The following ERC2 variants were observed in gnomAD, a reference collection of about 807,000 sequenced individuals.
ERC2 encodes the protein ELKS/RAB6-interacting/CAST family member 2.
In ERC2, 42 loss-of-function variants were observed where a neutral mutation model predicts 114.8. That is an observed-to-expected ratio of 0.37 (90% confidence interval 0.29 to 0.47). The LOEUF (loss-of-function observed/expected upper bound fraction) is 0.47. ERC2 is among the 20% of genes least tolerant of loss of function. The pLI is 0.99. For missense variants in ERC2, 939 were observed against 1,150.7 expected (o/e 0.82, Z 2.66); for synonymous variants, 454 against 425.5 (o/e 1.07, Z -0.82).
In ERC2 at chr3:56,148,786, A is replaced by C. The variant is rs1222823260; in HGVS notation, c.1305+191T>G. On this transcript the variant is annotated intron_variant, in intron 5 of 17. Transcript: ENST00000288221. ...CCTCTCAGTAAGGAAAATTCCATCA[A>C]AGGTTTTCCCTGATTGTTTTTTGGA... Among the ~76,000 whole-genome samples, 4 of 152,324 alleles carry C rather than the reference A, an allele frequency of 2.6e-5. No individual in the cohort carries two copies. In the East Asian group the frequency reaches 7.7e-4, roughly 29 times the overall value.
At chr3:55,930,981 G>T (rs2066045148) in intron 13 of ERC2, among the ~76,000 whole-genome samples, 1 of 152,156 alleles carries the variant, frequency 6.6e-6, no homozygotes, top group African/African-American at 2.4e-5. Flanking sequence ...CATTTATGCG[G>T]CCAACAAGAA....
intron 11 of ERC2, among the ~76,000 whole-genome samples, chr3:55,987,717 AAAT>A (rs2070741765): frequency 6.6e-6 from 1 of 152,218 alleles, no homozygotes; most frequent in Non-Finnish European, 1.5e-5. Flanking sequence ...TCAGAAGAAA[AAAT>A]AACATTCTCT....
intron 13 of ERC2, among the ~76,000 whole-genome samples, chr3:55,902,403 A>G (rs2064184427): frequency 6.6e-6 from 1 of 152,122 alleles, no homozygotes; most frequent in African/African-American, 2.4e-5. Context: ...CGACATGGAA[A>G]AAGTTCTTAA....
chr3:55,550,860 CA>C (rs1386217654), intron 17 of ERC2, among the ~76,000 whole-genome samples: 1 of 151,636 alleles, frequency 6.6e-6, no homozygotes, highest in Admixed American at 6.6e-5. Flanking sequence ...ACTAAAAATA[CA>C]AAAAATTAGC....
At chr3:56,400,417 A>G (rs73075891) in intron 2 of ERC2, among the ~76,000 whole-genome samples, 1 of 152,184 alleles carries the variant, frequency 6.6e-6, no homozygotes. Context: ...AAATTAAACT[A>G]AAATCTGAGC....
At chr3:56,241,860 C>T (rs1008424642) in intron 3 of ERC2, among the ~76,000 whole-genome samples, 1 of 152,172 alleles carries the variant, frequency 6.6e-6, no homozygotes, top group Non-Finnish European at 1.5e-5. Context: ...GGGTTAAATG[C>T]CAGCTGCCAG....
chr3:56,127,563 A>G (rs114772739), intron 6 of ERC2, among the ~76,000 whole-genome samples: 1,542 of 152,202 alleles, frequency 0.01, 32 homozygotes, highest in African/African-American at 0.035. Context: ...CCCTGTCCCT[A>G]CTAAAAATAA....
At chr3:55,974,146 G>GA (rs1458288548) in intron 12 of ERC2, among the ~76,000 whole-genome samples, 2 of 151,976 alleles carry the variant, frequency 1.3e-5, no homozygotes, top group Non-Finnish European at 2.9e-5. Context: ...AAAGTTTAAG[G>GA]AAAAAAATAA....
At chr3:56,323,810 T>C (rs1352492993) in intron 2 of ERC2, among the ~76,000 whole-genome samples, 2 of 152,158 alleles carry the variant, frequency 1.3e-5, no homozygotes, top group Non-Finnish European at 2.9e-5. Context: ...AAAACCACTG[T>C]GGAAAAAACA....
In ERC2 at chr3:56,218,193, T is replaced by A. The variant is rs965021606; in HGVS notation, c.1075-44673A>T. 2.0e-5 allele frequency among the ~76,000 whole-genome samples: 3 copies of A among 151,764 alleles called. No homozygotes were observed. The East Asian group carries it at 5.8e-4, about 29-fold the overall frequency. ...ACAGCAAAAGAAACTACCATCAGAG[T>A]GAACAGGCAACCTACAGAATGGGAG... On this transcript the variant is annotated intron_variant, in intron 3 of 17. Coordinates refer to ENST00000288221, the MANE Select transcript of ERC2 (RefSeq NM_015576.3).
At chr3:56,425,922 G>C (rs1279285207) in intron 2 of ERC2, among the ~76,000 whole-genome samples, 1 of 152,164 alleles carries the variant, frequency 6.6e-6, no homozygotes, top group African/African-American at 2.4e-5. Flanking sequence ...ATTTCTCAGA[G>C]ATGGCAGCTC....
intron 12 of ERC2, among the ~76,000 whole-genome samples, chr3:55,957,386 G>C (rs1239197393): frequency 3.9e-5 from 6 of 152,186 alleles, no homozygotes; most frequent in African/African-American, 1.4e-4. Context: ...TATCTCATTA[G>C]GGGATGGGGA....
chr3:56,311,255 C>A (rs374032866), intron 2 of ERC2, among the ~76,000 whole-genome samples: 9,575 of 74,410 alleles, frequency 0.13, 719 homozygotes, highest in African/African-American at 0.18. Context: ...CTCTCTCTCT[C>A]TATATATATA....
rs569377784 is a variant in ERC2, at chr3:56,135,496, A to T, written c.1473+4013T>A. On this transcript the variant is annotated intron_variant, in intron 6 of 17. Transcript: ENST00000288221. ...ACCTGCCCAAACATCCCTGATAAAC[A>T]TAATAGTAGTAATGATAATAATAAC... 2.6e-5 allele frequency among the ~76,000 whole-genome samples: 4 copies of T among 152,360 alleles called. No individual in the cohort carries two copies. The South Asian group carries it at 8.3e-4, about 32-fold the overall frequency.
intron 3 of ERC2, among the ~76,000 whole-genome samples, chr3:56,288,205 G>A (rs931699112): frequency 6.6e-6 from 1 of 152,120 alleles, no homozygotes; most frequent in Non-Finnish European, 1.5e-5. Flanking sequence ...GCCTGTGCTT[G>A]GGGTACTTTC....
At chr3:56,357,703 A>G (rs1242860890) in intron 2 of ERC2, among the ~76,000 whole-genome samples, 1 of 151,184 alleles carries the variant, frequency 6.6e-6, no homozygotes, top group African/African-American at 2.4e-5. Context: ...CTAAAGATCA[A>G]GGGCCATTGC....
At chr3:56,020,629 C>G (rs1415905479) in intron 7 of ERC2, among the ~76,000 whole-genome samples, 1 of 152,178 alleles carries the variant, frequency 6.6e-6, no homozygotes, top group Non-Finnish European at 1.5e-5. Flanking sequence ...AGAGGACTGA[C>G]TCTTGGAAAC....
At chr3:55,595,202 A>G (rs1020526907) in intron 17 of ERC2, among the ~76,000 whole-genome samples, 3 of 152,264 alleles carry the variant, frequency 2.0e-5, no homozygotes, top group African/African-American at 7.2e-5. Flanking sequence ...TATACACAAG[A>G]GAGTTTATTA....
chr3:55,771,639 A>C (rs72875463), intron 14 of ERC2, among the ~76,000 whole-genome samples: 6,131 of 152,294 alleles, frequency 0.04, 152 homozygotes, highest in Middle Eastern at 0.075. Context: ...CTGCAGGCAC[A>C]AAGCATGAGC....
Sources: allele counts gnomAD v4.1 joint callset (sites outside exome capture counted in the v4.1 genomes callset), GRCh38; gene constraint gnomAD v4.1.1; transcripts MANE v1.5; gene names NCBI Gene and HGNC (gene_info 2026-07-23, HGNC 2026-07-21).